ENTPD3: variants seen among roughly 807,000 people sequenced by gnomAD.
ENTPD3 encodes CD39 antigen-like 3.
Under a neutral mutation model 51.2 loss-of-function variants are expected in ENTPD3, and 60 were observed. The observed-to-expected ratio is 1.17, with a 90% confidence interval of 0.95 to 1.45. The LOEUF is 1.45. Ranked by LOEUF, ENTPD3 falls within the 40% of genes most tolerant of loss-of-function variation. ENTPD3 has a pLI of 0.00. For missense variants in ENTPD3, 593 were observed against 641.1 expected (o/e 0.93, Z 0.81); for synonymous variants, 221 against 238.4 (o/e 0.93, Z 0.67).
Position 40,408,003 on chromosome 3 carries a change from A to T in ENTPD3, c.287-3809A>T, listed in dbSNP as rs567324299. On this transcript the variant is annotated intron_variant, in intron 4 of 10. Transcript: ENST00000301825. ...TCCCAGTTTATAAAAAACACAGAAGACAAAGGAACATGTTCAAGGACACCT... is the reference window on the plus strand; with the variant it reads ...TCCCAGTTTATAAAAAACACAGAAGTCAAAGGAACATGTTCAAGGACACCT... Among the ~76,000 whole-genome samples the T allele has an allele frequency of 4.6e-5, 7 of 152,260 alleles. 1 individual carries two copies. In the South Asian group the frequency reaches 1.5e-3, roughly 32 times the overall value.
At position 40,427,256 on chromosome 3, in the gene ENTPD3, C is replaced by T. The variant is rs371455251; in HGVS notation, c.1354-16C>T. Reference sequence around the variant, plus strand: ...AGCCTTGCCCTGAGCGCTGAGCCATCTCCTCTACTCCACAGGTGGGGAATA... The same window carrying T: ...AGCCTTGCCCTGAGCGCTGAGCCATTTCCTCTACTCCACAGGTGGGGAATA... On this transcript the variant is annotated splice_polypyrimidine_tract_variant and intron_variant, in intron 10 of 10. Coordinates refer to ENST00000301825, the MANE Select transcript of ENTPD3 (RefSeq NM_001248.4). The T allele has an allele frequency of 2.8e-5, 45 of 1,605,560 alleles. No homozygotes were observed. Among genetic ancestry groups the T allele is most frequent in the African/African-American group, 5.4e-5 (4 of 74,746 alleles).
chr3:40,388,585 G>GACACACACACACACACAC (rs55657804), intron 2 of ENTPD3, among the ~76,000 whole-genome samples: 14 of 126,280 alleles, frequency 1.1e-4, no homozygotes, highest in South Asian at 5.7e-4. Flanking sequence ...CACACACACA[G>GACACACACACACACACAC]ACACACACAC....
chr3:40,415,469 A>G (rs1955723957), intron 6 of ENTPD3, among the ~76,000 whole-genome samples: 1 of 152,148 alleles, frequency 6.6e-6, no homozygotes, highest in African/African-American at 2.4e-5. Flanking sequence ...TCACATAAAA[A>G]TCCATACTTC....
At chr3:40,387,599 C>T (rs1954968304) in intron 1 of ENTPD3, among the ~76,000 whole-genome samples, 1 of 152,142 alleles carries the variant, frequency 6.6e-6, no homozygotes, top group African/African-American at 2.4e-5. Context: ...CAATTTCCAG[C>T]CAGCAGCTAA....
intron 4 of ENTPD3, among the ~76,000 whole-genome samples, chr3:40,407,623 C>T (rs1288289232): frequency 6.6e-6 from 1 of 152,012 alleles, no homozygotes; most frequent in African/African-American, 2.4e-5. Flanking sequence ...CAGACGATAT[C>T]CAGCCCCAGC....
intron 1 of ENTPD3, among the ~76,000 whole-genome samples, chr3:40,387,549 C>G (rs909222172): frequency 6.6e-6 from 1 of 152,148 alleles, no homozygotes; most frequent in African/African-American, 2.4e-5. Flanking sequence ...GACCCCAGAT[C>G]CTGGTGGGGG....
chr3:40,400,418 G>A (rs549643618), intron 3 of ENTPD3, among the ~76,000 whole-genome samples: 26 of 152,094 alleles, frequency 1.7e-4, no homozygotes, highest in Non-Finnish European at 3.4e-4. Flanking sequence ...TTCATTTTCC[G>A]TCTGAGACGA....
At chr3:40,398,135 T>A (rs1471120311) in intron 3 of ENTPD3, among the ~76,000 whole-genome samples, 1 of 152,190 alleles carries the variant, frequency 6.6e-6, no homozygotes, top group African/African-American at 2.4e-5. Flanking sequence ...GGGACAGCCA[T>A]TTCTCCAGTC....
intron 7 of ENTPD3, among the ~76,000 whole-genome samples, chr3:40,420,198 A>G (rs890056335): frequency 6.6e-6 from 1 of 151,996 alleles, no homozygotes; most frequent in Non-Finnish European, 1.5e-5. Flanking sequence ...GATACTAAAT[A>G]GCCAATTGAT....
At chr3:40,424,070 C>T (rs1955937418) in intron 10 of ENTPD3, 107 bp downstream of exon 10, 1 of 1,553,490 alleles carries the variant, frequency 6.4e-7, no homozygotes, top group Non-Finnish European at 8.7e-7. Flanking sequence ...GTTAAACTCA[C>T]TGGGTGGAAG....
intron 7 of ENTPD3, among the ~76,000 whole-genome samples, chr3:40,418,918 G>A (rs1255242087): frequency 6.6e-6 from 1 of 151,930 alleles, no homozygotes; most frequent in Non-Finnish European, 1.5e-5. Flanking sequence ...AAAAAAAATT[G>A]ACCATTCGAT....
At chr3:40,399,379 G>A (rs976619979) in intron 3 of ENTPD3, 11 of 152,074 alleles carry the variant, frequency 7.2e-5, no homozygotes, top group African/African-American at 2.4e-5. Flanking sequence ...CTGTATTTAT[G>A]AGTAGCCATT....
intron 4 of ENTPD3, among the ~76,000 whole-genome samples, chr3:40,406,275 A>ACC (rs1955495016): frequency 5.3e-5 from 8 of 152,296 alleles, no homozygotes. Context: ...CCAAGCATGG[A>ACC]AGCTGCTCAG....
rs776992266 is a variant in ENTPD3, at chr3:40,414,835, C to T, written c.592C>T (p.Leu198=). The T allele has an allele frequency of 3.1e-6, 5 of 1,613,920 alleles. No homozygotes were observed. Among genetic ancestry groups the T allele is most frequent in the Non-Finnish European group, 3.4e-6 (4 of 1,179,916 alleles). Residue 198 remains leucine (L), a synonymous_variant, in exon 6 of 11, where the codon CTG becomes TTG. Coordinates refer to ENST00000301825, the MANE Select transcript of ENTPD3 (RefSeq NM_001248.4). ...AGCCAACTATTTAATGGGAAATTTC[C>T]TGGAGGTGTGTGCAAACAAATGCAT... The part of the protein sequence containing the change: ...ITANYLMGNF[L]EKNLWHMWVH...
At chr3:40,427,141 C>T (rs1361490148) in intron 10 of ENTPD3, 131 bp from the exon 11 acceptor site, 1 of 725,144 alleles carries the variant, frequency 1.4e-6, no homozygotes, top group Non-Finnish European at 2.4e-6. Context: ...TTAACTTGGG[C>T]AAGTCCTTTG....
At chr3:40,419,306 TCAG>T (rs2125608378) in intron 7 of ENTPD3, among the ~76,000 whole-genome samples, 1 of 152,304 alleles carries the variant, frequency 6.6e-6, no homozygotes, top group South Asian at 2.1e-4. Context: ...TTAGAACCAT[TCAG>T]ATTACCACCC....
intron 1 of ENTPD3, 164 bp from the exon 2 acceptor site, chr3:40,387,882 C>G (rs1318544241): frequency 1.4e-5 from 8 of 584,646 alleles, no homozygotes; most frequent in Admixed American, 2.9e-5. Flanking sequence ...TAAGCTCCAG[C>G]TTTGGGGCTG....
intron 9 of ENTPD3, 58 bp from the exon 10 acceptor site, chr3:40,423,768 G>T (rs1955930028): frequency 1.9e-6 from 3 of 1,588,592 alleles, no homozygotes; most frequent in East Asian, 2.2e-5. Flanking sequence ...TTAACCCAAG[G>T]TGTTCATTTT....
At chr3:40,416,301 A>T (rs1955746887) in intron 7 of ENTPD3, among the ~76,000 whole-genome samples, 1 of 152,170 alleles carries the variant, frequency 6.6e-6, no homozygotes. Flanking sequence ...TTGAGTAAGA[A>T]GTCTAGGGAA....
Sources: gnomAD v4.1 joint callset for allele counts (sites outside exome capture counted in the v4.1 genomes callset) on GRCh38, gnomAD v4.1.1 for gene constraint, MANE v1.5 for transcripts, NCBI Gene and HGNC (gene_info 2026-07-23, HGNC 2026-07-21) for gene names.